CRB1: variants seen among roughly 807,000 people sequenced by gnomAD.
The protein encoded by CRB1 is crumbs cell polarity complex component 1, also known as protein crumbs homolog 1.
A neutral mutation model predicts 120.0 loss-of-function variants in CRB1; 83 were observed. The ratio of observed to expected loss-of-function variants is 0.69; its 90% CI spans 0.58 to 0.83. The LOEUF is 0.83. CRB1 is among the 40% of genes least tolerant of loss of function. The pLI, the probability that CRB1 is intolerant of heterozygous loss-of-function variation, is 0.00. For synonymous variants in CRB1, 625 were observed against 612.5 expected, an observed-to-expected ratio of 1.02 and a Z score of -0.30; for missense variants, 1,699 against 1,687.6, an observed-to-expected ratio of 1.01 and a Z score of -0.12.
chr1:197,334,633 T>G (rs140487179), intron 2 of CRB1, among the ~76,000 whole-genome samples: 34 of 152,336 alleles, frequency 2.2e-4, no homozygotes, highest in African/African-American at 8.2e-4. Flanking sequence ...CTTGAACTTT[T>G]AAACATCCGG....
At chr1:197,417,073 A>G (rs1193872922) in intron 5 of CRB1, among the ~76,000 whole-genome samples, 2 of 152,228 alleles carry the variant, frequency 1.3e-5, no homozygotes, top group Non-Finnish European at 2.9e-5. Context: ...GAGTGGGTCT[A>G]TAAGGAGATT....
At chr1:197,364,908 C>T (rs1269530200) in intron 5 of CRB1, among the ~76,000 whole-genome samples, 1 of 151,996 alleles carries the variant, frequency 6.6e-6, no homozygotes, top group African/African-American at 2.4e-5. Context: ...TTTTCTCATT[C>T]AAGTTATGGT....
chr1:197,399,968 T>C (rs1311362261), intron 5 of CRB1, among the ~76,000 whole-genome samples: 1 of 152,170 alleles, frequency 6.6e-6, no homozygotes, highest in Non-Finnish European at 1.5e-5. Flanking sequence ...TGCCATATTC[T>C]GTTGATTAGA....
chr1:197,288,694 T>G (rs1024903925), intron 1 of CRB1, among the ~76,000 whole-genome samples: 2 of 151,772 alleles, frequency 1.3e-5, no homozygotes, highest in African/African-American at 4.8e-5. Context: ...AGACGAAAAG[T>G]ACGTTGGAAG....
chr1:197,310,793 A>T (rs1657470570), intron 1 of CRB1, among the ~76,000 whole-genome samples: 2 of 152,200 alleles, frequency 1.3e-5, no homozygotes, highest in Admixed American at 1.3e-4. Flanking sequence ...AATTAAAATT[A>T]CATAGGGCAG....
At chr1:197,361,726 A>T (rs1422293184) in intron 5 of CRB1, among the ~76,000 whole-genome samples, 1 of 151,336 alleles carries the variant, frequency 6.6e-6, no homozygotes, top group African/African-American at 2.4e-5. Flanking sequence ...CTCCCCTTTT[A>T]TGTCCACCTT....
chr1:197,228,768 A>G, the CRB1 span, among the ~76,000 whole-genome samples: 2 of 152,288 alleles, frequency 1.3e-5, no homozygotes, highest in Non-Finnish European at 2.9e-5. Context: ...TGCTGCTTAT[A>G]AAGACATACC....
Position 197,421,452 on chromosome 1 carries a change from A to G in CRB1, c.1624A>G (p.Ile542Val), listed in dbSNP as rs1489517097. 1 of 1,614,226 alleles carries G rather than the reference A, an allele frequency of 6.2e-7. No homozygotes were observed. Residue 542 changes from isoleucine to valine, a missense_variant, in exon 6 of 12, where the codon ATT (isoleucine) becomes GTT (valine). Transcript: ENST00000367400. ...FVKLELLSGY[I>V]HLSIQVNNQS... ...GAAGCTGGAGCTGCTAAGTGGCTACATTCACTTATCAATTCAGGTCAATAA... is the reference window on the plus strand; with the variant it reads ...GAAGCTGGAGCTGCTAAGTGGCTACGTTCACTTATCAATTCAGGTCAATAA...
In CRB1 at chr1:197,334,079, A is replaced by T. The variant is rs150720105; in HGVS notation, c.652+5076A>T. On this transcript the variant is annotated intron_variant, in intron 2 of 11. Transcript: ENST00000367400. ...AGACTCACCTATACAGCTTATCAAT[A>T]AAATACTGTTTTCAGTTCAACAGAT... 2.5e-3 allele frequency among the ~76,000 whole-genome samples: 387 copies of T among 152,340 alleles called. 2 individuals are homozygous for T. Among genetic ancestry groups the T allele is most frequent in the African/African-American group, 8.6e-3 (358 of 41,580 alleles).
the CRB1 span, among the ~76,000 whole-genome samples, chr1:197,220,278 G>A: frequency 2.1e-4 from 32 of 152,084 alleles, no homozygotes; most frequent in Non-Finnish European, 4.1e-4. Context: ...TAAAAGAGAT[G>A]AATAAAAAGT....
the CRB1 span, among the ~76,000 whole-genome samples, chr1:197,232,868 A>G: frequency 1.3e-5 from 2 of 152,162 alleles, no homozygotes; most frequent in Non-Finnish European, 2.9e-5. Context: ...CAGAGAACCA[A>G]GAATCTCATC....
chr1:197,404,436 C>T (rs981783794), intron 5 of CRB1, among the ~76,000 whole-genome samples: 2 of 110,746 alleles, frequency 1.8e-5, no homozygotes, highest in African/African-American at 9.3e-5. Flanking sequence ...AGCGAGACTC[C>T]GTCTCAAAAA....
the CRB1 span, among the ~76,000 whole-genome samples, chr1:197,252,574 ATATATATATGTG>A: frequency 1.2e-4 from 5 of 41,834 alleles, no homozygotes; most frequent in African/African-American, 2.8e-4. Context: ...ATATATATAT[ATATATATATGTG>A]TGTGTGTGTG....
chr1:197,397,945 T>C (rs1205756128), intron 5 of CRB1, among the ~76,000 whole-genome samples: 1 of 152,094 alleles, frequency 6.6e-6, no homozygotes, highest in Non-Finnish European at 1.5e-5. Flanking sequence ...GAATTACATA[T>C]CAATAAACTC....
chr1:197,447,450 A>T (rs908254664), intron 11 of CRB1: 2 of 152,252 alleles, frequency 1.3e-5, no homozygotes, highest in African/African-American at 2.4e-5. Context: ...TCTGTTGGTT[A>T]AGAACAAGTC....
At chr1:197,214,424 A>G in the CRB1 span, among the ~76,000 whole-genome samples, 3 of 152,196 alleles carry the variant, frequency 2.0e-5, no homozygotes, top group Admixed American at 6.5e-5. Flanking sequence ...TGAAGGGCCC[A>G]ATTTTAATAT....
the CRB1 span, among the ~76,000 whole-genome samples, chr1:197,236,549 C>A: frequency 6.6e-6 from 1 of 152,002 alleles, no homozygotes; most frequent in Admixed American, 6.6e-5. Context: ...ACTTTCAGCA[C>A]CATGTTGAAT....
chr1:197,218,641 T>G, the CRB1 span, among the ~76,000 whole-genome samples: 4 of 152,100 alleles, frequency 2.6e-5, no homozygotes, highest in Non-Finnish European at 4.4e-5. Flanking sequence ...CGTGTAAAAG[T>G]CCCTTGACTG....
chr1:197,349,937 A>G (rs1325331014), intron 4 of CRB1, among the ~76,000 whole-genome samples: 1 of 151,664 alleles, frequency 6.6e-6, no homozygotes, highest in East Asian at 1.9e-4. Flanking sequence ...CGTCTCTACT[A>G]AAAATACAAA....
Sources: gnomAD v4.1 joint callset for allele counts (sites outside exome capture counted in the v4.1 genomes callset) on GRCh38, gnomAD v4.1.1 for gene constraint, MANE v1.5 for transcripts, NCBI Gene and HGNC (gene_info 2026-07-23, HGNC 2026-07-21) for gene names.